The following VAT1L variants were observed in gnomAD, a reference collection of about 807,000 sequenced individuals.
VAT1L encodes vesicle amine transport 1 like.
A neutral mutation model predicts 44.1 loss-of-function variants in VAT1L; 34 were observed. That is an observed-to-expected ratio of 0.77 (90% CI 0.59 to 1.03). The LOEUF is 1.03. Ranked by LOEUF, VAT1L falls within the 50% of genes least tolerant of loss-of-function variation. VAT1L has a pLI of 0.00. For synonymous variants in VAT1L, 253 were observed against 202.2 expected, an observed-to-expected ratio of 1.25 and a Z score of -2.13; for missense variants, 615 against 538.8, an observed-to-expected ratio of 1.14 and a Z score of -1.40.
At chr16:77,796,800 A>C (rs557250953) in intron 1 of VAT1L, among the ~76,000 whole-genome samples, 1 of 152,332 alleles carries the variant, frequency 6.6e-6, no homozygotes, top group Admixed American at 6.5e-5. Flanking sequence ...GCTTTTCTAC[A>C]AAATGGAATG....
chr16:77,964,894 A>G (rs1420112464), intron 7 of VAT1L, among the ~76,000 whole-genome samples: 1 of 148,558 alleles, frequency 6.7e-6, no homozygotes, highest in Non-Finnish European at 1.5e-5. Context: ...CCCCGGTTCA[A>G]GCAATTCTGC....
intron 7 of VAT1L, among the ~76,000 whole-genome samples, chr16:77,971,250 A>T (rs1364169771): frequency 6.6e-6 from 1 of 152,148 alleles, no homozygotes; most frequent in Non-Finnish European, 1.5e-5. Context: ...ATCCCAGGAG[A>T]CACCTGTTGG....
At chr16:77,934,561 C>T (rs1419706381) in intron 7 of VAT1L, among the ~76,000 whole-genome samples, 1 of 152,136 alleles carries the variant, frequency 6.6e-6, no homozygotes, top group Admixed American at 6.6e-5. Context: ...GATTTCTGAC[C>T]TCTAGAACTA....
At chr16:77,958,571 T>C (rs915040791) in intron 7 of VAT1L, among the ~76,000 whole-genome samples, 5 of 151,996 alleles carry the variant, frequency 3.3e-5, no homozygotes, top group Non-Finnish European at 2.9e-5. Context: ...CTGGAGGGAA[T>C]TCACCAGATT....
chr16:77,883,512 T>C (rs1296114404), intron 6 of VAT1L, among the ~76,000 whole-genome samples: 1 of 152,234 alleles, frequency 6.6e-6, no homozygotes, highest in East Asian at 1.9e-4. Flanking sequence ...GGTAATTCTT[T>C]GTTGTGGATT....
chr16:77,958,423 T>G (rs436432), intron 7 of VAT1L, among the ~76,000 whole-genome samples: 65,688 of 151,936 alleles, frequency 0.43, 14,416 homozygotes, highest in Middle Eastern at 0.49. Flanking sequence ...CTCCATAAGC[T>G]AAAGTACCTC....
intron 3 of VAT1L, among the ~76,000 whole-genome samples, chr16:77,850,698 A>G (rs942925103): frequency 6.6e-6 from 1 of 152,174 alleles, no homozygotes; most frequent in Admixed American, 6.5e-5. Context: ...CAAAACCACA[A>G]CTTCAAACTG....
intron 1 of VAT1L, 106 bp from the exon 2 acceptor site, chr16:77,816,815 G>T: frequency 7.4e-7 from 1 of 1,359,438 alleles, no homozygotes; most frequent in Non-Finnish European, 9.8e-7. Context: ...GAGTGAAGAA[G>T]GGAGGGAGGA....
chr16:77,899,080 G>C (rs1041372670), intron 7 of VAT1L, among the ~76,000 whole-genome samples: 1 of 152,206 alleles, frequency 6.6e-6, no homozygotes, highest in African/African-American at 2.4e-5. Context: ...GCCAGGCACT[G>C]TGCTGAGCAC....
chr16:77,894,754 A>G (rs1340275676), intron 7 of VAT1L, among the ~76,000 whole-genome samples: 1 of 152,220 alleles, frequency 6.6e-6, no homozygotes, highest in Non-Finnish European at 1.5e-5. Context: ...TATATATGCT[A>G]AGATAGATAT....
At chr16:77,935,421 A>C (rs1281104830) in intron 7 of VAT1L, among the ~76,000 whole-genome samples, 1 of 150,496 alleles carries the variant, frequency 6.6e-6, no homozygotes, top group Non-Finnish European at 1.5e-5. Context: ...GGGCACGAGA[A>C]TTTTTTTTCA....
At chr16:77,822,080 G>C (rs1023089594) in intron 2 of VAT1L, among the ~76,000 whole-genome samples, 1 of 152,108 alleles carries the variant, frequency 6.6e-6, no homozygotes, top group African/African-American at 2.4e-5. Flanking sequence ...TGCTCACATT[G>C]TCTGAGCTCC....
At chr16:77,924,867 A>G (rs1385534533) in intron 7 of VAT1L, among the ~76,000 whole-genome samples, 3 of 152,132 alleles carry the variant, frequency 2.0e-5, no homozygotes, top group Admixed American at 1.3e-4. Flanking sequence ...TAAATTACCT[A>G]AGCCCTGGGT....
intron 7 of VAT1L, among the ~76,000 whole-genome samples, chr16:77,951,228 G>A (rs990928037): frequency 6.6e-6 from 1 of 152,204 alleles, no homozygotes; most frequent in African/African-American, 2.4e-5. Flanking sequence ...CAGCAGCAAA[G>A]TGGAAGGGTA....
chr16:77,874,867 A>C (rs1001377560), intron 4 of VAT1L, among the ~76,000 whole-genome samples: 1 of 145,570 alleles, frequency 6.9e-6, no homozygotes, highest in Non-Finnish European at 1.5e-5. Context: ...AAAAAAAGCC[A>C]GTCTGGCTCC....
At chr16:77,907,505 A>G (rs1597093067) in intron 7 of VAT1L, among the ~76,000 whole-genome samples, 1 of 152,170 alleles carries the variant, frequency 6.6e-6, no homozygotes, top group Non-Finnish European at 1.5e-5. Context: ...CCTTAGGTCC[A>G]TTGCTGTATA....
chr16:77,859,961 G>A (rs2142440743), intron 3 of VAT1L, among the ~76,000 whole-genome samples: 1 of 152,148 alleles, frequency 6.6e-6, no homozygotes, highest in South Asian at 2.1e-4. Flanking sequence ...AAAGGCAATC[G>A]AGTTAAATTG....
At chr16:77,850,930 T>G (rs2016802846) in intron 3 of VAT1L, among the ~76,000 whole-genome samples, 1 of 152,224 alleles carries the variant, frequency 6.6e-6, no homozygotes, top group Non-Finnish European at 1.5e-5. Context: ...TCAAACAGTG[T>G]GTCAGTCTGT....
At chr16:77,891,129 C>T (rs1357818724) in intron 7 of VAT1L, among the ~76,000 whole-genome samples, 2 of 151,664 alleles carry the variant, frequency 1.3e-5, no homozygotes, top group African/African-American at 4.8e-5. Flanking sequence ...CCGAGGCGGG[C>T]GGATCACGAG....
Sources: gnomAD v4.1 joint callset for allele counts (sites outside exome capture counted in the v4.1 genomes callset) on GRCh38, gnomAD v4.1.1 for gene constraint, MANE v1.5 for transcripts, NCBI Gene and HGNC (gene_info 2026-07-23, HGNC 2026-07-21) for gene names.